Variants in MYO1A observed in about 807,000 individuals in gnomAD.
The protein encoded by MYO1A is unconventional myosin-Ia.
A neutral mutation model predicts 138.5 loss-of-function variants in MYO1A; 127 were observed. The ratio of observed to expected loss-of-function variants is 0.92; its 90% confidence interval spans 0.79 to 1.06. MYO1A has a LOEUF of 1.06. Among genes scored for constraint, MYO1A ranks in the 50% least tolerant of loss-of-function variants. The pLI is 0.00. For missense variants in MYO1A, 1,211 were observed against 1,288.8 expected, an observed-to-expected ratio of 0.94 and a Z score of 0.92; for synonymous variants, 477 against 497.5, an observed-to-expected ratio of 0.96 and a Z score of 0.55.
chr12:57,037,065 G>C lies in MYO1A; in HGVS notation c.2082C>G (p.Arg694=), dbSNP rs189900453. Residue 694 remains arginine (R), a synonymous_variant, in exon 20 of 28, where the codon CGC becomes CGG. Coordinates refer to ENST00000300119, the MANE Select transcript of MYO1A (RefSeq NM_005379.4). ...KTLFYLEEQR[R]LRLQQLATLI... ...GTGTGGCCAGCTGCTGGAGTCTCAG[G>C]CGCCTCTGTTCTTCGAGGTAGAAAA... is the stretch of plus-strand genomic sequence containing the variant. 147 of 1,614,164 alleles carry C rather than the reference G, an allele frequency of 9.1e-5. 1 individual carries two copies. In the East Asian group the frequency reaches 1.4e-3, roughly 16 times the overall value.
At chr12:57,030,032 T>TG (rs2030199038) in intron 24 of MYO1A, 160 bp from the exon 25 acceptor site, 1 of 1,349,538 alleles carries the variant, frequency 7.4e-7, no homozygotes, top group Admixed American at 1.9e-5. Flanking sequence ...CAGCACCACC[T>TG]GGGGAGTTGT....
At chr12:57,044,865 C>T (rs893707326) in intron 8 of MYO1A, among the ~76,000 whole-genome samples, 1 of 152,170 alleles carries the variant, frequency 6.6e-6, no homozygotes, top group African/African-American at 2.4e-5. Context: ...TGCCTCTGGA[C>T]GGTGAAGGTA....
Position 57,037,013 on chromosome 12 carries a change from G to C in MYO1A, c.2134C>G (p.Arg712Gly), listed in dbSNP as rs771264237. 1 of 1,614,158 alleles carries C rather than the reference G, an allele frequency of 6.2e-7. No individual in the cohort carries two copies. Among genetic ancestry groups the C allele is most frequent in the Non-Finnish European group, 8.5e-7 (1 of 1,180,014 alleles). Reference sequence around the variant, plus strand: ...ATCAGTTGGTAGTGGGTGCGGCAGCGCCAGCCTCGGTAAATCTTCTGTATG... The same window carrying C: ...ATCAGTTGGTAGTGGGTGCGGCAGCCCCAGCCTCGGTAAATCTTCTGTATG... ...TLIQKIYRGW[R>G]CRTHYQLMRK... The change falls in exon 20 of 28, where the codon CGC (arginine) becomes GGC (glycine). Residue 712 changes from arginine (R) to glycine (G), a missense_variant. Arg to Gly is a moderately radical substitution (Grantham distance 125). Transcript: ENST00000300119.
At chr12:57,047,838 A>G in intron 3 of MYO1A, 117 bp from the exon 4 acceptor site, 2 of 1,563,828 alleles carry the variant, frequency 1.3e-6, no homozygotes, top group Non-Finnish European at 1.7e-6. Context: ...ACTGGGCAAG[A>G]TGTGACAGGC....
chr12:57,036,714 C>A, intron 21 of MYO1A, 58 bp downstream of exon 21: 1 of 1,593,298 alleles, frequency 6.3e-7, no homozygotes, highest in East Asian at 2.2e-5. Flanking sequence ...CTCTAGCCAG[C>A]AGGTGACACA....
Position 57,047,772 on chromosome 12 carries a change from C to T in MYO1A, c.231-51G>A, listed in dbSNP as rs1468459968. The T allele has an allele frequency of 3.7e-6, 6 of 1,608,804 alleles. No homozygotes were observed. The East Asian group carries it at 9.0e-5, about 24-fold the overall frequency. On this transcript the variant is annotated intron_variant, in intron 3 of 27. Coordinates refer to ENST00000300119, the MANE Select transcript of MYO1A (RefSeq NM_005379.4). ...CTATTGTGAAACCAGTTCAAGACAC[C>T]ATCTTTCACTCAATCTCCAGCACGC...
intron 22 of MYO1A, 106 bp downstream of exon 22, chr12:57,036,201 G>A: frequency 8.8e-7 from 1 of 1,141,810 alleles, no homozygotes. Flanking sequence ...TGCAGACTGA[G>A]GAAACTCTTG....
chr12:57,038,715 G>T, intron 16 of MYO1A, 77 bp from the exon 17 acceptor site: 1 of 1,607,748 alleles, frequency 6.2e-7, no homozygotes. Context: ...TCATTGTGAA[G>T]TATTCCAGAC....
At chr12:57,035,691 A>G (rs2030505588) in intron 22 of MYO1A, among the ~76,000 whole-genome samples, 1 of 152,124 alleles carries the variant, frequency 6.6e-6, no homozygotes, top group Admixed American at 6.5e-5. Context: ...ATCTGACTGA[A>G]GTCTCCAGAA....
rs930708513 is a variant in MYO1A at position 57,038,818 on chromosome 12, A to G, written c.1524T>C (p.Tyr508=). ...AGCCCTGCCATTTCACCTTGCCCGC[A>G]TAGTGGCAGATGCGGAAGCAGCTGA... ...MGLSCFRICH[Y]AGKVTYNVTS... The change falls in exon 16 of 28, where the codon TAT becomes TAC. Residue 508 remains tyrosine, a synonymous_variant. Transcript: ENST00000300119. 1.1e-5 allele frequency: 17 copies of G among 1,614,082 alleles called. No individual in the cohort carries two copies. Among genetic ancestry groups the G allele is most frequent in the Non-Finnish European group, 1.2e-5 (14 of 1,180,024 alleles).
intron 22 of MYO1A, among the ~76,000 whole-genome samples, chr12:57,031,806 C>T (rs1490113829): frequency 1.3e-5 from 2 of 152,222 alleles, no homozygotes; most frequent in Non-Finnish European, 2.9e-5. Context: ...GTCCTAACCA[C>T]GGTCAAAAAT....
chr12:57,039,478 A>G (rs2030759078), intron 14 of MYO1A: 1 of 603,112 alleles, frequency 1.7e-6, no homozygotes, highest in African/African-American at 1.8e-5. Flanking sequence ...GACACACGGA[A>G]GGAATTGGAG....
chr12:57,040,852 G>A (rs1427372080), intron 14 of MYO1A, among the ~76,000 whole-genome samples: 1 of 152,200 alleles, frequency 6.6e-6, no homozygotes, highest in Non-Finnish European at 1.5e-5. Context: ...TTAGAGAAGG[G>A]CATAGAAAGA....
At position 57,037,944 on chromosome 12, in the gene MYO1A, T is replaced by C; in HGVS notation, c.1886A>G (p.Gln629Arg). The C allele has an allele frequency of 5.6e-6, 9 of 1,614,162 alleles. No homozygotes were observed. The highest frequency in any genetic ancestry group is 6.8e-6 in the Non-Finnish European group (8 of 1,180,024). ...RVRRAGYAHR[Q>R]GYGPFLERYR... The stretch of plus-strand genomic sequence containing the variant: ...CCTTTCCAGGAAGGGCCCATAACCC[T>C]GGCGGTGGGCATAGCCTGCCCGTCG... The change falls in exon 18 of 28, where the codon CAG (glutamine) becomes CGG (arginine). Residue 629 changes from glutamine to arginine, a missense_variant. Coordinates refer to ENST00000300119, the MANE Select transcript of MYO1A (RefSeq NM_005379.4).
In MYO1A at chr12:57,036,192, G is replaced by A. The variant is rs945374814; in HGVS notation, c.2349+115C>T. On this transcript the variant is annotated intron_variant, in intron 22 of 27. Transcript: ENST00000300119. ...CTCTTCTCCTAGGACTTAAGTACAT[G>A]CAGACTGAGGAAACTCTTGGGGGAA... is the stretch of plus-strand genomic sequence containing the variant. 5.7e-6 allele frequency: 6 copies of A among 1,052,418 alleles called. No individual in the cohort carries two copies. The East Asian group carries it at 7.3e-5, about 13-fold the overall frequency. 65.2% of individuals were successfully genotyped at this position (1,052,418 alleles called of 1,614,324 possible).
At chr12:57,049,173 C>T (rs564081842) in intron 1 of MYO1A, among the ~76,000 whole-genome samples, 1 of 152,342 alleles carries the variant, frequency 6.6e-6, no homozygotes, top group Admixed American at 6.5e-5. Context: ...AGGAGGAGCA[C>T]AGTTGGAACT....
chr12:57,043,201 G>A (rs772988030), intron 11 of MYO1A, 39 bp downstream of exon 11: 2 of 1,613,860 alleles, frequency 1.2e-6, no homozygotes, highest in Admixed American at 1.7e-5. Flanking sequence ...TCACAGAACA[G>A]GGTCGAAACA....
intron 3 of MYO1A, 130 bp downstream of exon 3, chr12:57,047,859 G>T: frequency 6.4e-7 from 1 of 1,560,078 alleles, no homozygotes; most frequent in Non-Finnish European, 8.7e-7. Flanking sequence ...CTTGGAAGGG[G>T]CCTCCAGAAG....
upstream of MYO1A, among the ~76,000 whole-genome samples, chr12:57,050,414 G>A (rs1053754839): frequency 2.6e-5 from 4 of 152,178 alleles, no homozygotes; most frequent in Admixed American, 1.3e-4. Flanking sequence ...GGCCAAGTGC[G>A]GTTGCTCATG....
Sources: gnomAD v4.1 joint callset for allele counts (sites outside exome capture counted in the v4.1 genomes callset) on GRCh38, gnomAD v4.1.1 for gene constraint, MANE v1.5 for transcripts, NCBI Gene and HGNC (gene_info 2026-07-23, HGNC 2026-07-21) for gene names.